PADI6: variants seen among roughly 807,000 people sequenced by gnomAD.
PADI6 encodes peptidyl arginine deiminase 6.
A neutral mutation model predicts 78.2 loss-of-function variants in PADI6; 66 were observed. That is an observed-to-expected ratio of 0.84 (90% CI 0.69 to 1.04). The LOEUF (loss-of-function observed/expected upper bound fraction) is 1.04. Among genes scored for constraint, PADI6 ranks in the 50% least tolerant of loss-of-function variants. The pLI is 0.00. For missense variants in PADI6, 854 were observed against 866.1 expected (o/e 0.99, Z 0.18); for synonymous variants, 397 against 346.9 (o/e 1.14, Z -1.60).
At position 17,388,385 on chromosome 1, in the gene PADI6, C is replaced by T. The variant is rs764493259; in HGVS notation, c.684C>T (p.Asp228=). 3.1e-6 allele frequency: 5 copies of T among 1,609,292 alleles called. No individual in the cohort carries two copies. In the South Asian group the frequency reaches 4.4e-5, roughly 14 times the overall value. ...KKARVYWPQK[D]NSSTFELVLG... is the part of the protein sequence containing the mutation. The stretch of plus-strand genomic sequence containing the variant: ...CATCCCTTCTTTCTCTCCTAGAAGA[C>T]AACTCCAGTACCTTTGAGTTGGTGC... Residue 228 remains aspartate (D), a synonymous_variant, in exon 7 of 16, where the codon GAC becomes GAT. Coordinates refer to ENST00000619609, the MANE Select transcript of PADI6 (RefSeq NM_207421.4).
At chr1:17,380,791 G>A (rs547356404) in intron 4 of PADI6, among the ~76,000 whole-genome samples, 4 of 152,146 alleles carry the variant, frequency 2.6e-5, no homozygotes, top group East Asian at 3.9e-4. Context: ...AATTTGCCTC[G>A]GTCCCTGATT....
Position 17,396,958 on chromosome 1 carries a change from G to A in PADI6, c.1619-113G>A, listed in dbSNP as rs2075252733. The A allele has an allele frequency of 1.7e-5, 16 of 951,014 alleles. No individual in the cohort carries two copies. The East Asian group carries it at 4.2e-4, about 25-fold the overall frequency. 58.9% of individuals were successfully genotyped at this position (951,014 alleles called of 1,614,324 possible). The stretch of plus-strand genomic sequence containing the variant: ...GGAGATAGGCCAGTCCTCTCGCCAT[G>A]GTCACTGGCCCAGGAATGCACCCAG... On this transcript the variant is annotated intron_variant, in intron 13 of 15. Transcript: ENST00000619609.
chr1:17,373,854 T>C (rs971305442), intron 2 of PADI6, among the ~76,000 whole-genome samples: 1 of 152,128 alleles, frequency 6.6e-6, no homozygotes, highest in Admixed American at 6.5e-5. Flanking sequence ...CTAAGTAGCC[T>C]ACCTAGAGTG....
At position 17,379,927 on chromosome 1, in the gene PADI6, T is replaced by C; in HGVS notation, c.375T>C (p.Ser125=). ...AVLYLTGIEV[S]LEVDIYRNGQ... ...CCTTTTCTTCTGTTTCAGAGGTCTCTCTAGAGGTAGACATCTACCGCAATG... is the reference window on the plus strand; with the variant it reads ...CCTTTTCTTCTGTTTCAGAGGTCTCCCTAGAGGTAGACATCTACCGCAATG... The change falls in exon 4 of 16, where the codon TCT becomes TCC. Residue 125 remains serine (S), a synonymous_variant. Coordinates refer to ENST00000619609, the MANE Select transcript of PADI6 (RefSeq NM_207421.4). 9.3e-6 allele frequency: 15 copies of C among 1,613,350 alleles called. No individual in the cohort carries two copies. Among genetic ancestry groups the C allele is most frequent in the Non-Finnish European group, 1.1e-5 (13 of 1,179,410 alleles).
At chr1:17,391,257 T>C (rs1256335329) in intron 8 of PADI6, among the ~76,000 whole-genome samples, 1 of 152,206 alleles carries the variant, frequency 6.6e-6, no homozygotes, top group Non-Finnish European at 1.5e-5. Flanking sequence ...TCTCGCTCCG[T>C]TGCCCAGACT....
At chr1:17,380,185 TA>T (rs541146233) in intron 4 of PADI6, among the ~76,000 whole-genome samples, 198 bp downstream of exon 4, 182 of 151,984 alleles carry the variant, frequency 1.2e-3, no homozygotes, top group Non-Finnish European at 1.8e-3. Flanking sequence ...TTTTGTGGGG[TA>T]TTTTTTTGTT....
chr1:17,393,612 T>C (rs1308347975), intron 9 of PADI6, among the ~76,000 whole-genome samples: 1 of 152,156 alleles, frequency 6.6e-6, no homozygotes, highest in Admixed American at 6.5e-5. Flanking sequence ...TAGCTGGGAT[T>C]ACAGGCATGA....
In PADI6 at chr1:17,394,234, G is replaced by C; in HGVS notation, c.1183-66G>C. ...AGTCTACCTGAGAGCCTGGATTTAG[G>C]GATAAGACTGGGGCCTAAAGCCATC... On this transcript the variant is annotated intron_variant, in intron 10 of 15. Transcript: ENST00000619609. The C allele has an allele frequency of 1.9e-6, 3 of 1,588,188 alleles. No homozygotes were observed. The Admixed American group carries it at 5.1e-5, about 27-fold the overall frequency.
At chr1:17,386,697 TCA>T (rs1352432470) in intron 6 of PADI6, among the ~76,000 whole-genome samples, 1 of 152,138 alleles carries the variant, frequency 6.6e-6, no homozygotes, top group African/African-American at 2.4e-5. Context: ...CCCAGTTCCC[TCA>T]CAGCCAGCAG....
intron 13 of PADI6, among the ~76,000 whole-genome samples, chr1:17,396,292 A>AGG (rs1189893215): frequency 6.6e-6 from 1 of 152,212 alleles, no homozygotes; most frequent in Non-Finnish European, 1.5e-5. Flanking sequence ...AGGCTGAGGC[A>AGG]GGGGAATCGC....
At chr1:17,374,971 T>C (rs2075001321) in intron 2 of PADI6, among the ~76,000 whole-genome samples, 1 of 152,064 alleles carries the variant, frequency 6.6e-6, no homozygotes, top group South Asian at 2.1e-4. Context: ...TGGGTGTCCT[T>C]CTTAGTGAGC....
At chr1:17,376,491 ATTTTT>A (rs35174721) in intron 3 of PADI6, among the ~76,000 whole-genome samples, 1 of 148,394 alleles carries the variant, frequency 6.7e-6, no homozygotes, top group African/African-American at 2.5e-5. Context: ...TAGTGGGCTA[ATTTTT>A]TTTATTTTTA....
intron 14 of PADI6, among the ~76,000 whole-genome samples, chr1:17,398,435 C>T (rs191179106): frequency 1.4e-3 from 212 of 152,238 alleles, no homozygotes; most frequent in Admixed American, 4.8e-3. Context: ...AAGTGCCAGA[C>T]GCTGTCTAGC....
chr1:17,382,187 C>T, intron 6 of PADI6, 95 bp downstream of exon 6: 2 of 1,433,842 alleles, frequency 1.4e-6, no homozygotes, highest in Non-Finnish European at 1.9e-6. Flanking sequence ...CCAGCAGAAG[C>T]CTGCTGGAGA....
In PADI6 at chr1:17,388,489, C is replaced by T. The variant is rs1192328526; in HGVS notation, c.788C>T (p.Ala263Val). ...LKETFYVEAI[A>V]FPSAEFSGLI... ...GAGACTTTCTACGTTGAAGCTATAG[C>T]ATTCCCATCTGCCGAATTCTCAGGC... The change falls in exon 7 of 16, where the codon GCA (alanine) becomes GTA (valine). Residue 263 changes from alanine (A) to valine (V), a missense_variant. Physicochemically the swap from Ala to Val is moderately conservative, Grantham distance 64. Transcript: ENST00000619609. 1.2e-6 allele frequency: 2 copies of T among 1,613,660 alleles called. No individual in the cohort carries two copies. Among genetic ancestry groups the T allele is most frequent in the Admixed American group, 3.3e-5 (2 of 60,000 alleles).
At chr1:17,373,643 C>T (rs1240446762) in intron 2 of PADI6, among the ~76,000 whole-genome samples, 1 of 152,116 alleles carries the variant, frequency 6.6e-6, no homozygotes, top group Non-Finnish European at 1.5e-5. Context: ...AGGCACCCAC[C>T]ACCATGCCCG....
intron 3 of PADI6, among the ~76,000 whole-genome samples, chr1:17,377,306 A>T (rs1004217736): frequency 1.3e-5 from 2 of 151,884 alleles, no homozygotes; most frequent in Non-Finnish European, 2.9e-5. Context: ...CTCTTAACAC[A>T]CTTGAACGCT....
intron 8 of PADI6, among the ~76,000 whole-genome samples, chr1:17,391,325 T>C (rs1325903030): frequency 6.6e-6 from 1 of 152,224 alleles, no homozygotes. Context: ...GTTCCAGCAA[T>C]TCTCCTGCCT....
chr1:17,378,766 G>A (rs1411704567), intron 3 of PADI6, among the ~76,000 whole-genome samples: 3 of 151,742 alleles, frequency 2.0e-5, no homozygotes, highest in Non-Finnish European at 4.4e-5. Flanking sequence ...CACCACACCG[G>A]GCTAATTTTT....
Sources: allele counts gnomAD v4.1 joint callset (sites outside exome capture counted in the v4.1 genomes callset), GRCh38; gene constraint gnomAD v4.1.1; transcripts MANE v1.5; gene names NCBI Gene and HGNC (gene_info 2026-07-23, HGNC 2026-07-21).